NPSR1: variants seen among roughly 807,000 people sequenced by gnomAD.
NPSR1 encodes the protein neuropeptide S receptor.
A neutral mutation model predicts 46.9 loss-of-function variants in NPSR1; 48 were observed. The ratio of observed to expected loss-of-function variants is 1.02; its 90% confidence interval spans 0.81 to 1.30. The LOEUF (loss-of-function observed/expected upper bound fraction) is 1.30, where lower values mean the gene tolerates loss of function less well. Among genes scored for constraint, NPSR1 ranks in the 50% most tolerant of loss-of-function variants. The pLI, the probability that NPSR1 is intolerant of heterozygous loss-of-function variation, is 0.00. For synonymous variants in NPSR1, 176 were observed against 168.1 expected (o/e 1.05, Z -0.36); for missense variants, 450 against 449.5 (o/e 1.00, Z -0.01).
intron 2 of NPSR1, among the ~76,000 whole-genome samples, chr7:34,745,757 T>C (rs1369260601): frequency 1.3e-5 from 2 of 152,188 alleles, no homozygotes; most frequent in African/African-American, 2.4e-5. Flanking sequence ...CAAACAGTCC[T>C]CCTGCCTTGG....
chr7:34,707,877 G>T (rs541122313), intron 2 of NPSR1, among the ~76,000 whole-genome samples: 1 of 152,300 alleles, frequency 6.6e-6, no homozygotes, highest in Middle Eastern at 3.4e-3. Context: ...AGTTCTAGAA[G>T]CTAGAAGTCC....
At chr7:34,878,231 C>T in exon 9 of NPSR1, 2 of 1,107,694 alleles carry the variant, frequency 1.8e-6, no homozygotes, top group Non-Finnish European at 2.7e-6. Flanking sequence ...GGTGCCACTT[C>T]TCACTGCTTA....
At chr7:34,707,208 T>C (rs1234951289) in intron 2 of NPSR1, among the ~76,000 whole-genome samples, 1 of 152,230 alleles carries the variant, frequency 6.6e-6, no homozygotes, top group Non-Finnish European at 1.5e-5. Flanking sequence ...GTTATCTCCA[T>C]GATCTTTAGG....
chr7:34,676,287 G>A (rs572154791), intron 1 of NPSR1, among the ~76,000 whole-genome samples: 2 of 152,266 alleles, frequency 1.3e-5, no homozygotes, highest in South Asian at 4.1e-4. Context: ...CCTGAGATAG[G>A]TTTTGTCTTC....
At chr7:34,873,225 C>T (rs1216497368) in intron 8 of NPSR1, among the ~76,000 whole-genome samples, 1 of 151,862 alleles carries the variant, frequency 6.6e-6, no homozygotes, top group Non-Finnish European at 1.5e-5. Flanking sequence ...TTTAGCCAGT[C>T]TACAAGTTGC....
chr7:34,861,150 C>T (rs554690176), intron 8 of NPSR1, among the ~76,000 whole-genome samples: 2 of 152,020 alleles, frequency 1.3e-5, no homozygotes, highest in African/African-American at 4.8e-5. Context: ...GCCCAATGCC[C>T]TACTCACACT....
rs1352436213 is a variant in NPSR1, at chr7:34,745,323, AATC to A, written c.281-33134_281-33132del. 3.3e-5 allele frequency among the ~76,000 whole-genome samples: 5 copies of A among 152,250 alleles called. No individual in the cohort carries two copies. The East Asian group carries it at 5.8e-4, about 18-fold the overall frequency. On this transcript the variant is annotated intron_variant, in intron 2 of 8. Transcript: ENST00000360581. ...GCTTTTTGAGTAATTTATTTGGTCC[AATC>A]ATCAAGTTTACTATTTCTCTTTTTA...
rs536777870 is a variant in NPSR1, at chr7:34,829,920, C to T, written c.680+2318C>T. 5.3e-5 allele frequency among the ~76,000 whole-genome samples: 8 copies of T among 152,326 alleles called. No homozygotes were observed. The South Asian group carries it at 1.2e-3, about 24-fold the overall frequency. The stretch of plus-strand genomic sequence containing the variant: ...GGTCATGAAAACTCAGCCATGACCT[C>T]CAGCCATCCTTGAGCTTCTCTGAAG... On this transcript the variant is annotated intron_variant, in intron 5 of 8. Coordinates refer to ENST00000360581, the MANE Select transcript of NPSR1 (RefSeq NM_207172.2).
chr7:34,769,860 G>A (rs1786595713), intron 2 of NPSR1, among the ~76,000 whole-genome samples: 1 of 152,188 alleles, frequency 6.6e-6, no homozygotes, highest in Non-Finnish European at 1.5e-5. Context: ...TTAAAAGCAA[G>A]AGTAATACAT....
Position 34,744,673 on chromosome 7 carries a change from T to C in NPSR1, c.281-33789T>C, listed in dbSNP as rs372604691. Among the ~76,000 whole-genome samples, 26 of 152,346 alleles carry C rather than the reference T, an allele frequency of 1.7e-4. No individual in the cohort carries two copies. In the East Asian group the frequency reaches 3.9e-3, roughly 23 times the overall value. On this transcript the variant is annotated intron_variant, in intron 2 of 8. Transcript: ENST00000360581. Reference sequence around the variant, plus strand: ...CATCCCCAAGGCCTTCTGCTCATGATGAATAATCAATCAGGTTTGTGATTC... The same window carrying C: ...CATCCCCAAGGCCTTCTGCTCATGACGAATAATCAATCAGGTTTGTGATTC...
chr7:34,733,562 T>A (rs1784535790), intron 2 of NPSR1, among the ~76,000 whole-genome samples: 1 of 152,210 alleles, frequency 6.6e-6, no homozygotes. Context: ...GAATTTAGAT[T>A]CTCTTTGTGA....
chr7:34,737,590 C>T (rs1009625479), intron 2 of NPSR1, among the ~76,000 whole-genome samples: 2 of 152,142 alleles, frequency 1.3e-5, no homozygotes, highest in African/African-American at 2.4e-5. Context: ...ATTATTTGAA[C>T]GGACAGTAGT....
intron 4 of NPSR1, among the ~76,000 whole-genome samples, chr7:34,826,688 A>G (rs530123599): frequency 5.3e-4 from 81 of 152,330 alleles, no homozygotes; most frequent in African/African-American, 1.8e-3. Flanking sequence ...TGAGGTGGCC[A>G]GAGCAGGTAT....
intron 5 of NPSR1, among the ~76,000 whole-genome samples, chr7:34,828,608 A>G (rs1789969572): frequency 6.6e-6 from 1 of 152,206 alleles, no homozygotes; most frequent in Admixed American, 6.5e-5. Context: ...TAAGCCTGCC[A>G]TAGTGTGTCA....
chr7:34,673,985 G>T (rs899132740), intron 1 of NPSR1, among the ~76,000 whole-genome samples: 1 of 152,160 alleles, frequency 6.6e-6, no homozygotes, highest in African/African-American at 2.4e-5. Context: ...AGGCCTCCCA[G>T]TTGGGTTACT....
Position 34,744,687 on chromosome 7 carries a change from G to C in NPSR1, c.281-33775G>C, listed in dbSNP as rs34441455. On this transcript the variant is annotated intron_variant, in intron 2 of 8. Transcript: ENST00000360581. ...TCTGCTCATGATGAATAATCAATCAGGTTTGTGATTCAAAACAACATCCAT... is the reference window on the plus strand; with the variant it reads ...TCTGCTCATGATGAATAATCAATCACGTTTGTGATTCAAAACAACATCCAT... Among the ~76,000 whole-genome samples the C allele has an allele frequency of 3.2e-3, 494 of 152,268 alleles. 7 individuals carry two copies. Among genetic ancestry groups the C allele is most frequent in the African/African-American group, 0.011 (476 of 41,550 alleles).
intron 3 of NPSR1, among the ~76,000 whole-genome samples, chr7:34,782,048 C>T (rs908849876): frequency 5.3e-5 from 8 of 152,192 alleles, no homozygotes; most frequent in African/African-American, 1.9e-4. Context: ...CCCTGGGCAA[C>T]AGCTCAGCCA....
intron 2 of NPSR1, chr7:34,751,967 A>G: frequency 9.6e-7 from 1 of 1,037,260 alleles, no homozygotes; most frequent in Non-Finnish European, 1.5e-6. Context: ...GTTTGCCCAG[A>G]GAAGTCTTTC....
intron 2 of NPSR1, among the ~76,000 whole-genome samples, chr7:34,760,268 G>A (rs1338197628): frequency 6.6e-6 from 1 of 152,208 alleles, no homozygotes; most frequent in Non-Finnish European, 1.5e-5. Context: ...GCAGCTCTCT[G>A]TCTAGTTATT....
Sources: allele counts gnomAD v4.1 joint callset (sites outside exome capture counted in the v4.1 genomes callset), GRCh38; gene constraint gnomAD v4.1.1; transcripts MANE v1.5; gene names NCBI Gene and HGNC (gene_info 2026-07-23, HGNC 2026-07-21).